Variants in ANO2 observed in about 807,000 individuals in gnomAD.
ANO2 encodes anoctamin 2.
ANO2 carries 101 observed loss-of-function variants against 124.2 expected under a neutral mutation model. That is an observed-to-expected ratio of 0.81 (90% CI 0.69 to 0.96). The LOEUF is 0.96. Ranked by LOEUF, ANO2 falls within the 40% of genes least tolerant of loss-of-function variation. The pLI, the probability that ANO2 is intolerant of heterozygous loss-of-function variation, is 0.00. For missense variants in ANO2, 1,293 were observed against 1,274.5 expected (o/e 1.01, Z -0.22); for synonymous variants, 486 against 482.5 (o/e 1.01, Z -0.09).
At chr12:5,826,508 T>G (rs1274296463) in intron 7 of ANO2, among the ~76,000 whole-genome samples, 1 of 151,130 alleles carries the variant, frequency 6.6e-6, no homozygotes, top group Non-Finnish European at 1.5e-5. Context: ...ATTTCTCTGT[T>G]TTTTAAGCTA....
chr12:5,919,177 C>T (rs947476194), intron 3 of ANO2, among the ~76,000 whole-genome samples: 13 of 151,942 alleles, frequency 8.6e-5, no homozygotes, highest in Admixed American at 3.9e-4. Context: ...CAGAGAGGGA[C>T]GGGGTGGGGG....
chr12:5,746,066 C>T (rs1008677075), intron 11 of ANO2, among the ~76,000 whole-genome samples: 3 of 152,222 alleles, frequency 2.0e-5, no homozygotes, highest in African/African-American at 7.2e-5. Context: ...CAATGCTGCT[C>T]TTCAAGTATA....
rs138479485 is a variant in ANO2, at chr12:5,856,856, G to A, written c.535-2715C>T. Reference sequence around the variant, plus strand: ...ATCTTACACTAACGAATGCAAAATCGTTTCCCAGTATGGGGTTGTTAACTT... The same window carrying A: ...ATCTTACACTAACGAATGCAAAATCATTTCCCAGTATGGGGTTGTTAACTT... On this transcript the variant is annotated intron_variant, in intron 3 of 24. Coordinates refer to ENST00000682330, the MANE Select transcript of ANO2 (RefSeq NM_001364791.2). Among the ~76,000 whole-genome samples, 115 of 152,264 alleles carry A rather than the reference G, an allele frequency of 7.6e-4. No homozygotes were observed. In the South Asian group the frequency reaches 9.3e-3, roughly 12 times the overall value.
intron 3 of ANO2, among the ~76,000 whole-genome samples, chr12:5,915,341 T>C (rs1235622169): frequency 1.3e-5 from 2 of 152,120 alleles, no homozygotes; most frequent in Non-Finnish European, 2.9e-5. Context: ...ACAATATCAA[T>C]ACATGGAAAT....
At chr12:5,692,459 C>G in intron 14 of ANO2, among the ~76,000 whole-genome samples, 1 of 152,088 alleles carries the variant, frequency 6.6e-6, no homozygotes, top group East Asian at 1.9e-4. Flanking sequence ...ATGTTAAATT[C>G]AAGAATATGT....
chr12:5,878,880 G>A (rs1938292353), intron 3 of ANO2, among the ~76,000 whole-genome samples: 1 of 152,210 alleles, frequency 6.6e-6, no homozygotes, highest in Non-Finnish European at 1.5e-5. Context: ...CATAGGAGAT[G>A]GAGCAGGGAA....
At chr12:5,671,816 T>G (rs2136988302) in intron 14 of ANO2, among the ~76,000 whole-genome samples, 1 of 152,342 alleles carries the variant, frequency 6.6e-6, no homozygotes, top group East Asian at 1.9e-4. Flanking sequence ...TGGAAGTCTC[T>G]CCCCATCCAT....
At chr12:5,679,284 A>T (rs1263940402) in intron 14 of ANO2, among the ~76,000 whole-genome samples, 1 of 152,232 alleles carries the variant, frequency 6.6e-6, no homozygotes, top group East Asian at 1.9e-4. Flanking sequence ...AAAATTGACA[A>T]ATAAGATCTA....
At chr12:5,715,853 G>T (rs1341114941) in intron 14 of ANO2, among the ~76,000 whole-genome samples, 1 of 152,122 alleles carries the variant, frequency 6.6e-6, no homozygotes, top group East Asian at 1.9e-4. Flanking sequence ...AAATAGCCCA[G>T]AATTCAGGAG....
chr12:5,619,087 T>C (rs544178623), intron 16 of ANO2, among the ~76,000 whole-genome samples: 48 of 152,320 alleles, frequency 3.2e-4, no homozygotes, highest in African/African-American at 1.2e-3. Context: ...TGTGTAAAGA[T>C]GGCCCTTTAG....
At chr12:5,739,284 A>C in intron 13 of ANO2, 33 bp downstream of exon 13, 1 of 1,546,222 alleles carries the variant, frequency 6.5e-7, no homozygotes, top group Non-Finnish European at 8.8e-7. Context: ...AAAAGCCCAC[A>C]GAAGTATGTG....
At chr12:5,583,623 G>A (rs1247408874) in intron 20 of ANO2, among the ~76,000 whole-genome samples, 2 of 122,280 alleles carry the variant, frequency 1.6e-5, no homozygotes, top group Non-Finnish European at 3.2e-5. Flanking sequence ...ACTGCAATCC[G>A]GCCTGGGCTA....
intron 12 of ANO2, chr12:5,740,067 C>G (rs1008587165): frequency 6.9e-6 from 3 of 437,228 alleles, no homozygotes; most frequent in Non-Finnish European, 1.4e-5. Context: ...ACCCACGGCC[C>G]TTTGAAGGAC....
intron 14 of ANO2, among the ~76,000 whole-genome samples, chr12:5,652,497 A>G (rs1946960196): frequency 6.6e-6 from 1 of 152,092 alleles, no homozygotes; most frequent in African/African-American, 2.4e-5. Context: ...TTTTTACCTA[A>G]TATCCATTTC....
At chr12:5,735,506 T>C (rs1294442265) in intron 13 of ANO2, among the ~76,000 whole-genome samples, 2 of 152,208 alleles carry the variant, frequency 1.3e-5, no homozygotes, top group Non-Finnish European at 2.9e-5. Context: ...CCTCCTTCCC[T>C]GGAACTTTTC....
intron 12 of ANO2, chr12:5,740,077 C>A: frequency 2.3e-6 from 1 of 427,664 alleles, no homozygotes. Flanking sequence ...CTTTGAAGGA[C>A]CAGCACGCCT....
At chr12:5,835,550 T>C (rs1954288588) in intron 4 of ANO2, among the ~76,000 whole-genome samples, 1 of 152,216 alleles carries the variant, frequency 6.6e-6, no homozygotes, top group African/African-American at 2.4e-5. Flanking sequence ...TGTACTTTAG[T>C]GCTAATCTTA....
intron 7 of ANO2, among the ~76,000 whole-genome samples, chr12:5,827,549 T>C (rs1953999604): frequency 6.6e-6 from 1 of 152,162 alleles, no homozygotes; most frequent in Non-Finnish European, 1.5e-5. Flanking sequence ...GAGGAGGGCC[T>C]GGGAGAAGTT....
At chr12:5,646,613 G>A (rs1946651975) in intron 15 of ANO2, among the ~76,000 whole-genome samples, 1 of 152,078 alleles carries the variant, frequency 6.6e-6, no homozygotes, top group Non-Finnish European at 1.5e-5. Context: ...ATATTGCGGG[G>A]GGCTTTGAAG....
Sources: allele counts gnomAD v4.1 joint callset (sites outside exome capture counted in the v4.1 genomes callset), GRCh38; gene constraint gnomAD v4.1.1; transcripts MANE v1.5; gene names NCBI Gene and HGNC (gene_info 2026-07-23, HGNC 2026-07-21).